MSANTD2: variants seen among roughly 807,000 people sequenced by gnomAD.
The protein encoded by MSANTD2 is Myb/SANT DNA binding domain containing 2.
MSANTD2 carries 19 observed loss-of-function variants against 52.6 expected under a neutral mutation model. That is an observed-to-expected ratio of 0.36 (90% CI 0.25 to 0.53). MSANTD2 has a LOEUF of 0.53. Ranked by LOEUF, MSANTD2 falls within the 20% of genes least tolerant of loss-of-function variation. The pLI is 0.91. For synonymous variants in MSANTD2, 291 were observed against 289.7 expected (o/e 1.00, Z -0.04); for missense variants, 558 against 716.3 (o/e 0.78, Z 2.52).
rs1945326520 is a variant in MSANTD2 at position 124,791,308 on chromosome 11, AG to A, written c.510+8562del. On this transcript the variant is annotated intron_variant, in intron 1 of 3. Coordinates refer to ENST00000374979, the MANE Select transcript of MSANTD2 (RefSeq NM_001308027.2). Reference sequence around the variant, plus strand: ...CTCCTAGAACTGTCCCTGTGGCTGGAGGGTCTCCAGGAGAGAGACTCTGGCC... The same window carrying A: ...CTCCTAGAACTGTCCCTGTGGCTGGAGGTCTCCAGGAGAGAGACTCTGGCC... 8.4e-6 allele frequency: 12 copies of A among 1,435,758 alleles called. No individual in the cohort carries two copies. In the South Asian group the frequency reaches 1.4e-4, roughly 16 times the overall value. The allele number at this position is 1,435,758 out of a possible 1,614,324, so 88.9% of individuals were successfully genotyped here.
At chr11:124,791,002 T>C (rs1945314429) in intron 1 of MSANTD2, 1 of 418,752 alleles carries the variant, frequency 2.4e-6, no homozygotes, top group African/African-American at 2.0e-5. Flanking sequence ...CTGTAGGTTA[T>C]GGCCCATTAG....
chr11:124,796,713 G>A (rs1945506006), intron 1 of MSANTD2, among the ~76,000 whole-genome samples: 1 of 152,208 alleles, frequency 6.6e-6, no homozygotes, highest in South Asian at 2.1e-4. Context: ...GAGTTCACAT[G>A]TACTTTAGTC....
chr11:124,768,767 G>A (rs1262758680), intron 3 of MSANTD2, among the ~76,000 whole-genome samples: 2 of 152,110 alleles, frequency 1.3e-5, no homozygotes, highest in East Asian at 1.9e-4. Flanking sequence ...AATTGAGACT[G>A]TTCTAGAAAA....
Position 124,773,005 on chromosome 11 carries a change from A to T in MSANTD2, c.816T>A (p.Ser272=). The T allele has an allele frequency of 3.1e-6, 5 of 1,596,372 alleles. No individual in the cohort carries two copies. The highest frequency in any genetic ancestry group is 4.3e-6 in the Non-Finnish European group (5 of 1,164,344). Residue 272 remains serine, a synonymous_variant, in exon 3 of 4, where the codon TCT becomes TCA. Coordinates refer to ENST00000374979, the MANE Select transcript of MSANTD2 (RefSeq NM_001308027.2). ...AAGCATCTACTTACTGTGCTTCTTCAGAAGACTCTTGTTTTATTTTTAATG... is the reference window on the plus strand; with the variant it reads ...AAGCATCTACTTACTGTGCTTCTTCTGAAGACTCTTGTTTTATTTTTAATG... ...KRTLKIKQES[S]EEAQKRDIMQ... is the part of the protein sequence containing the mutation.
intron 1 of MSANTD2, chr11:124,791,375 C>G (rs1945327855): frequency 7.3e-7 from 1 of 1,377,778 alleles, no homozygotes; most frequent in Admixed American, 1.7e-5. Flanking sequence ...AACAAGGCAT[C>G]ATTACGGGCT....
chr11:124,776,058 CT>C (rs1442250212), intron 1 of MSANTD2: 2 of 152,202 alleles, frequency 1.3e-5, no homozygotes, highest in African/African-American at 4.8e-5. Flanking sequence ...CTCCCTTCTA[CT>C]TTACTGAGTT....
intron 1 of MSANTD2, among the ~76,000 whole-genome samples, chr11:124,799,449 G>A (rs956241283): frequency 4.6e-5 from 7 of 151,754 alleles, no homozygotes; most frequent in Non-Finnish European, 8.8e-5. Context: ...GGGGCTCAAT[G>A]CCCCCCCCTT....
chr11:124,798,753 C>T (rs908612521), intron 1 of MSANTD2, among the ~76,000 whole-genome samples: 2 of 152,124 alleles, frequency 1.3e-5, no homozygotes, highest in Non-Finnish European at 2.9e-5. Flanking sequence ...TTAGTGTGAT[C>T]ATTCTTATTT....
At position 124,800,351 on chromosome 11, in the gene MSANTD2, G is replaced by C. The variant is rs994945374; in HGVS notation, c.30C>G (p.Pro10=). The C allele has an allele frequency of 2.6e-6, 4 of 1,546,846 alleles. No individual in the cohort carries two copies. In the African/African-American group the frequency reaches 4.3e-5, roughly 16 times the overall value. The part of the protein sequence containing the change: MAAPCGSEL[P]ANSPLKIPKM... ...TCGGAATTTTTAGCGGCGAGTTGGC[G>C]GGCAGCTCCGAGCCACAGGGCGCAG... Residue 10 remains proline, a synonymous_variant, in exon 1 of 4, where the codon CCC becomes CCG. Coordinates refer to ENST00000374979, the MANE Select transcript of MSANTD2 (RefSeq NM_001308027.2). This position sits in a 1 kb window ranked among gnomAD's most constrained non-coding sequence, Gnocchi z 4.3.
intron 1 of MSANTD2, among the ~76,000 whole-genome samples, chr11:124,782,546 G>A (rs760244732): frequency 6.6e-6 from 1 of 152,150 alleles, no homozygotes; most frequent in Non-Finnish European, 1.5e-5. Context: ...TAACAAATGA[G>A]GAAGCAAGGC....
At chr11:124,769,753 C>T (rs1228749419) in intron 3 of MSANTD2, among the ~76,000 whole-genome samples, 1 of 152,176 alleles carries the variant, frequency 6.6e-6, no homozygotes, top group African/African-American at 2.4e-5. Flanking sequence ...AAAGAAATCC[C>T]ATGCCCAAAT....
chr11:124,768,692 G>A (rs1267857445), intron 3 of MSANTD2, among the ~76,000 whole-genome samples: 1 of 152,128 alleles, frequency 6.6e-6, no homozygotes, highest in African/African-American at 2.4e-5. Flanking sequence ...ATTAAGATCT[G>A]GGAATTCAGA....
At chr11:124,790,915 A>G (rs1945311132) in intron 1 of MSANTD2, 2 of 230,740 alleles carry the variant, frequency 8.7e-6, no homozygotes, top group East Asian at 1.2e-4. Flanking sequence ...GAGTTTCAAT[A>G]GGTTCAGTCT....
In MSANTD2 at chr11:124,766,887, G is replaced by T; in HGVS notation, c.*289C>A. The T allele has an allele frequency of 3.6e-6, 1 of 274,728 alleles. No individual in the cohort carries two copies. The highest frequency in any genetic ancestry group is 6.8e-6 in the Non-Finnish European group (1 of 147,200). The allele number at this position is 274,728 out of a possible 1,614,324, so 17.0% of individuals were successfully genotyped here. A position where few individuals can be genotyped will look rare whatever the true frequency, so the allele number is the denominator to read the frequency against. On this transcript the variant is annotated 3_prime_UTR_variant, in exon 4 of 4. Transcript: ENST00000374979. Reference sequence around the variant, plus strand: ...ATGTACCTACATTTGTTTATATTAGGGCTCTAAAATCCATTTAAAAATTGT... The same window carrying T: ...ATGTACCTACATTTGTTTATATTAGTGCTCTAAAATCCATTTAAAAATTGT...
chr11:124,774,845 G>C lies in MSANTD2; in HGVS notation c.640C>G (p.Leu214Val). 1.2e-6 allele frequency: 2 copies of C among 1,614,082 alleles called. No individual in the cohort carries two copies. Among genetic ancestry groups the C allele is most frequent in the Non-Finnish European group, 1.7e-6 (2 of 1,180,036 alleles). ...GWDAQPCQPV[L>V]INSSGLYQEL... ...TGGTACAAGCCACTACTGTTAATAA[G>C]TACAGGCTGGCAGGGCTGAGCATCC... is the stretch of plus-strand genomic sequence containing the variant. Residue 214 changes from leucine (L) to valine (V), a missense_variant, in exon 2 of 4, where the codon CTT (leucine) becomes GTT (valine). By Grantham distance (32) the Leu-to-Val change is conservative. This residue lies in a region of MSANTD2 where 408 missense variants were observed against 573.6 expected (regional missense o/e 0.71). Coordinates refer to ENST00000374979, the MANE Select transcript of MSANTD2 (RefSeq NM_001308027.2). The surrounding 1 kb of genome is among the most constrained non-coding windows in gnomAD (Gnocchi z 5.1).
chr11:124,780,547 A>T (rs1944920143), intron 1 of MSANTD2, among the ~76,000 whole-genome samples: 1 of 152,048 alleles, frequency 6.6e-6, no homozygotes. Flanking sequence ...TCATGGATCC[A>T]CTCCTCAGAA....
In MSANTD2 at chr11:124,767,487, G is replaced by C; in HGVS notation, c.1369C>G (p.Leu457Val). Residue 457 changes from leucine to valine, a missense_variant, in exon 4 of 4, where the codon CTT (leucine) becomes GTT (valine). Coordinates refer to ENST00000374979, the MANE Select transcript of MSANTD2 (RefSeq NM_001308027.2). This position sits in a 1 kb window ranked among gnomAD's most constrained non-coding sequence, Gnocchi z 6.5. ...GKEGRVDLET[L>V]SAQASLQVEI... ...ACCTGTAATGAGGCTTGTGCTGAAAGGGTTTCCAGGTCAACCCGGCCCTCT... is the reference window on the plus strand; with the variant it reads ...ACCTGTAATGAGGCTTGTGCTGAAACGGTTTCCAGGTCAACCCGGCCCTCT... The C allele has an allele frequency of 1.2e-6, 2 of 1,614,200 alleles. No homozygotes were observed. The highest frequency in any genetic ancestry group is 8.5e-7 in the Non-Finnish European group (1 of 1,180,028).
At chr11:124,772,689 A>C (rs908443234) in intron 3 of MSANTD2, among the ~76,000 whole-genome samples, 2 of 137,610 alleles carry the variant, frequency 1.5e-5, no homozygotes, top group Non-Finnish European at 3.1e-5. Context: ...GTGAGCAGAG[A>C]TTGCACCACT....
chr11:124,800,376 G>C lies in MSANTD2; in HGVS notation c.5C>G (p.Ala2Gly). The C allele has an allele frequency of 6.6e-7, 1 of 1,517,036 alleles. No homozygotes were observed. The highest frequency in any genetic ancestry group is 8.8e-7 in the Non-Finnish European group (1 of 1,132,484). The allele number at this position is 1,517,036 out of a possible 1,614,324, so 94.0% of individuals were successfully genotyped here. A position where few individuals can be genotyped will look rare whatever the true frequency, so the allele number is the denominator to read the frequency against. The change falls in exon 1 of 4, where the codon GCT (alanine) becomes GGT (glycine). Residue 2 changes from alanine to glycine, a missense_variant. Physicochemically the swap from Ala to Gly is moderately conservative, Grantham distance 60. Coordinates refer to ENST00000374979, the MANE Select transcript of MSANTD2 (RefSeq NM_001308027.2). The surrounding 1 kb of genome is among the most constrained non-coding windows in gnomAD (Gnocchi z 4.3). The stretch of plus-strand genomic sequence containing the variant: ...GGGCAGCTCCGAGCCACAGGGCGCA[G>C]CCATCTTCCAAGCGGCCGCCGCTGC... M[A>G]APCGSELPAN...
Sources: gnomAD v4.1 joint callset for allele counts (sites outside exome capture counted in the v4.1 genomes callset) on GRCh38, gnomAD v4.1.1 for gene constraint, gnomAD v4.1.1 regional missense constraint, Gnocchi (gnomAD v3.1) non-coding constraint, MANE v1.5 for transcripts, NCBI Gene and HGNC (gene_info 2026-07-23, HGNC 2026-07-21) for gene names.